SSU72L3: variants seen among roughly 807,000 people sequenced by gnomAD.
The protein encoded by SSU72L3 is RNA polymerase II subunit A C-terminal domain phosphatase SSU72 like protein 3.
the SSU72L3 span, chr11:4,329,906 C>T: frequency 2.7e-6 from 2 of 729,176 alleles, no homozygotes; most frequent in East Asian, 2.5e-5. Context: ...TGTGCGTGAG[C>T]AATGTCAACA....
At chr11:4,330,341 C>T in the SSU72L3 span, 15 of 760,148 alleles carry the variant, frequency 2.0e-5, no homozygotes, top group Non-Finnish European at 2.9e-5. Flanking sequence ...GTGAGATTTG[C>T]CAGTGCCTGC....
chr11:4,330,392 G>C, the SSU72L3 span: 57 of 754,950 alleles, frequency 7.6e-5, no homozygotes, highest in Admixed American at 2.6e-4. Context: ...AGGAGCTGCT[G>C]TTGCAAATGG....
the SSU72L3 span, chr11:4,329,823 A>C: frequency 3.3e-6 from 2 of 614,326 alleles, no homozygotes; most frequent in Admixed American, 2.9e-5. Flanking sequence ...CCCTGCAGCA[A>C]CTGAGGTGCC....
chr11:4,330,115 T>C, the SSU72L3 span: 1 of 753,052 alleles, frequency 1.3e-6, no homozygotes, highest in Non-Finnish European at 2.5e-6. Context: ...ATCTTACACA[T>C]CTTGGGAAGA....
chr11:4,330,381 G>T, the SSU72L3 span: 18 of 759,280 alleles, frequency 2.4e-5, no homozygotes, highest in South Asian at 1.6e-4. Context: ...AGACAATCTG[G>T]AGGAGCTGCT....
chr11:4,330,460 T>G, the SSU72L3 span: 103 of 620,784 alleles, frequency 1.7e-4, 1 homozygote, highest in South Asian at 1.9e-3. Flanking sequence ...ACATCTGGGC[T>G]GGCTTTGTCC....
chr11:4,330,311 C>G, the SSU72L3 span: 15,789 of 760,604 alleles, frequency 0.021, 307 homozygotes, highest in African/African-American at 0.079. Flanking sequence ...AAGATGCCAC[C>G]CTGGGAGCTT....
the SSU72L3 span, chr11:4,329,805 C>T: frequency 4.9e-6 from 3 of 612,332 alleles, no homozygotes; most frequent in Admixed American, 2.9e-5. Context: ...GTCTCCTCGG[C>T]TCCGAGTCCC....
chr11:4,330,298 T>C, the SSU72L3 span: 2 of 760,436 alleles, frequency 2.6e-6, no homozygotes, highest in Non-Finnish European at 4.8e-6. Context: ...CAAGATACCC[T>C]GGAAGATGCC....
chr11:4,330,822 A>G, the SSU72L3 span, among the ~76,000 whole-genome samples: 1 of 152,124 alleles, frequency 6.6e-6, no homozygotes, highest in African/African-American at 2.4e-5. Context: ...GATAAATAAC[A>G]TTGTATAGAT....
the SSU72L3 span, among the ~76,000 whole-genome samples, chr11:4,330,860 C>A: frequency 6.6e-6 from 1 of 152,028 alleles, no homozygotes; most frequent in East Asian, 1.9e-4. Context: ...ACTTCCTTTT[C>A]TCAATTTGAG....
chr11:4,330,724 C>G, the SSU72L3 span, among the ~76,000 whole-genome samples: 2 of 152,180 alleles, frequency 1.3e-5, no homozygotes, highest in Admixed American at 1.3e-4. Context: ...TACAAGGAAG[C>G]TAGCCCACCA....
At chr11:4,329,890 C>G in the SSU72L3 span, 1 of 727,360 alleles carries the variant, frequency 1.4e-6, no homozygotes, top group South Asian at 1.6e-5. Context: ...CTCAGGGTGG[C>G]TGTGGTGTGC....
chr11:4,330,494 A>G, the SSU72L3 span: 2 of 603,812 alleles, frequency 3.3e-6, no homozygotes, highest in East Asian at 2.8e-5. Flanking sequence ...GAACTTAGGC[A>G]TGGGACTTTA....
chr11:4,330,362 C>G, the SSU72L3 span: 2 of 758,522 alleles, frequency 2.6e-6, no homozygotes, highest in Non-Finnish European at 4.8e-6. Flanking sequence ...AGCAGTCAGA[C>G]GACATAGAAG....
chr11:4,330,346 G>C, the SSU72L3 span: 6 of 760,792 alleles, frequency 7.9e-6, no homozygotes, highest in Middle Eastern at 3.4e-4. Context: ...ATTTGCCAGT[G>C]CCTGCAGCAG....
the SSU72L3 span, among the ~76,000 whole-genome samples, chr11:4,330,753 A>C: frequency 7.0e-6 from 1 of 143,354 alleles, no homozygotes; most frequent in Non-Finnish European, 1.6e-5. Context: ...TTTTCCAGAT[A>C]AGCAAACCGA....
the SSU72L3 span, chr11:4,330,473 T>C: frequency 1.3e-5 from 8 of 610,172 alleles, no homozygotes; most frequent in Non-Finnish European, 2.3e-5. Context: ...CTTTGTCCCC[T>C]TCCTCAGTAA....
chr11:4,330,838 C>G, the SSU72L3 span, among the ~76,000 whole-genome samples: 1 of 152,196 alleles, frequency 6.6e-6, no homozygotes, highest in African/African-American at 2.4e-5. Context: ...TAGATAAGCA[C>G]CTTTTAAATA....
Sources: allele counts gnomAD v4.1 joint callset (sites outside exome capture counted in the v4.1 genomes callset), GRCh38; gene constraint gnomAD v4.1.1; transcripts MANE v1.5; gene names NCBI Gene and HGNC (gene_info 2026-07-23, HGNC 2026-07-21).